The following SORCS1 variants were observed in gnomAD, a reference collection of about 807,000 sequenced individuals.
SORCS1 encodes sortilin related VPS10 domain containing receptor 1, also known as VPS10 domain-containing receptor SorCS1.
SORCS1 carries 60 observed loss-of-function variants against 146.1 expected under a neutral mutation model. The ratio of observed to expected loss-of-function variants is 0.41; its 90% CI spans 0.33 to 0.51. The LOEUF (loss-of-function observed/expected upper bound fraction) is 0.51. Among genes scored for constraint, SORCS1 ranks in the 20% least tolerant of loss-of-function variants. The pLI is 0.21. For synonymous variants in SORCS1, 637 were observed against 584.0 expected (o/e 1.09, Z -1.31); for missense variants, 1,352 against 1,487.6 (o/e 0.91, Z 1.50).
intron 1 of SORCS1, among the ~76,000 whole-genome samples, chr10:107,024,242 G>C (rs1325557649): frequency 6.6e-6 from 1 of 151,706 alleles, no homozygotes; most frequent in Non-Finnish European, 1.5e-5. Context: ...TGTGCAAGAA[G>C]CATGGCACCA....
At chr10:106,994,741 A>G (rs1956922391) in intron 1 of SORCS1, among the ~76,000 whole-genome samples, 1 of 152,244 alleles carries the variant, frequency 6.6e-6, no homozygotes, top group Admixed American at 6.5e-5. Flanking sequence ...ACAACTCAGG[A>G]TATAACATTC....
chr10:106,916,573 T>TACAC (rs778320662), intron 2 of SORCS1, among the ~76,000 whole-genome samples: 5,425 of 126,676 alleles, frequency 0.043, 127 homozygotes, highest in Middle Eastern at 0.061. Flanking sequence ...TGTGCATATA[T>TACAC]ATACACACAC....
At chr10:107,100,757 C>T (rs1442700028) in intron 1 of SORCS1, among the ~76,000 whole-genome samples, 2 of 152,154 alleles carry the variant, frequency 1.3e-5, no homozygotes, top group African/African-American at 2.4e-5. Context: ...CTCCTACAGA[C>T]AGTTCAGGAG....
intron 2 of SORCS1, among the ~76,000 whole-genome samples, chr10:106,893,567 C>T (rs374776392): frequency 6.6e-6 from 1 of 151,988 alleles, no homozygotes; most frequent in South Asian, 2.1e-4. Context: ...TTTTACACAC[C>T]GAAAATTATA....
At chr10:106,790,084 A>G (rs186237455) in intron 3 of SORCS1, among the ~76,000 whole-genome samples, 43 of 152,342 alleles carry the variant, frequency 2.8e-4, no homozygotes, top group Non-Finnish European at 5.3e-4. Context: ...ACCTAAGGAT[A>G]ACAATTCAAG....
Position 106,603,091 on chromosome 10 carries a change from A to C in SORCS1, c.3165+4075T>G, listed in dbSNP as rs533585971. 3.9e-5 allele frequency among the ~76,000 whole-genome samples: 6 copies of C among 152,232 alleles called. No homozygotes were observed. In the East Asian group the frequency reaches 1.2e-3, roughly 29 times the overall value. On this transcript the variant is annotated intron_variant, in intron 23 of 25. Coordinates refer to ENST00000263054, the MANE Select transcript of SORCS1 (RefSeq NM_052918.5). Reference sequence around the variant, plus strand: ...TCCTTTAAGGATCCTGAAAGACAACACACCTAGGCTCCTTATCTCCCCAGC... The same window carrying C: ...TCCTTTAAGGATCCTGAAAGACAACCCACCTAGGCTCCTTATCTCCCCAGC...
chr10:107,129,322 T>C (rs1057121137), intron 1 of SORCS1, among the ~76,000 whole-genome samples: 23 of 152,326 alleles, frequency 1.5e-4, no homozygotes, highest in African/African-American at 4.8e-4. Flanking sequence ...TTAGTTGCCG[T>C]GGGACGAAAG....
chr10:106,893,320 A>T (rs541050115), intron 2 of SORCS1, among the ~76,000 whole-genome samples: 2 of 152,360 alleles, frequency 1.3e-5, no homozygotes, highest in South Asian at 4.1e-4. Flanking sequence ...GGAATGAGAA[A>T]CATTTGTTTT....
chr10:106,694,048 A>C (rs1443590359), intron 9 of SORCS1, among the ~76,000 whole-genome samples: 1 of 152,202 alleles, frequency 6.6e-6, no homozygotes, highest in Non-Finnish European at 1.5e-5. Context: ...TCATGGCCAC[A>C]ATTTCTTTGG....
At chr10:107,108,369 C>T (rs1965446793) in intron 1 of SORCS1, among the ~76,000 whole-genome samples, 1 of 152,128 alleles carries the variant, frequency 6.6e-6, no homozygotes, top group African/African-American at 2.4e-5. Flanking sequence ...TCTGGTGAAG[C>T]CTCAAGGAGC....
intron 6 of SORCS1, among the ~76,000 whole-genome samples, chr10:106,710,438 A>AAC (rs1854893863): frequency 6.6e-6 from 1 of 151,618 alleles, no homozygotes. Context: ...ACAGGAAAAA[A>AAC]AAAAAAAAAA....
rs1045575472 is a variant in SORCS1 at position 107,060,886 on chromosome 10, A to G, written c.558+103083T>C. Among the ~76,000 whole-genome samples, 66 of 152,314 alleles carry G rather than the reference A, an allele frequency of 4.3e-4. No individual in the cohort carries two copies. Among genetic ancestry groups the G allele is most frequent in the Admixed American group, 1.4e-3 (21 of 15,296 alleles). On this transcript the variant is annotated intron_variant, in intron 1 of 25. Coordinates refer to ENST00000263054, the MANE Select transcript of SORCS1 (RefSeq NM_052918.5). The surrounding 1 kb of genome is among the most constrained non-coding windows in gnomAD (Gnocchi z 4.1). ...CACAAGCCTCTAAACTAATGTCTTAAAAATTCTCAATAAATGTGTACTGAA... is the reference window on the plus strand; with the variant it reads ...CACAAGCCTCTAAACTAATGTCTTAGAAATTCTCAATAAATGTGTACTGAA...
intron 1 of SORCS1, among the ~76,000 whole-genome samples, chr10:107,118,357 C>A (rs1392657016): frequency 6.6e-6 from 1 of 152,152 alleles, no homozygotes; most frequent in East Asian, 1.9e-4. Flanking sequence ...ATTGTTGGAG[C>A]AGACAAAACT....
At chr10:106,878,412 G>C (rs1950674136) in intron 2 of SORCS1, among the ~76,000 whole-genome samples, 1 of 151,260 alleles carries the variant, frequency 6.6e-6, no homozygotes, top group South Asian at 2.1e-4. Context: ...GAGACCTTGG[G>C]GCGGTGATTA....
intron 21 of SORCS1, among the ~76,000 whole-genome samples, chr10:106,617,518 CCA>C (rs1847454838): frequency 6.6e-6 from 1 of 151,940 alleles, no homozygotes; most frequent in Non-Finnish European, 1.5e-5. Flanking sequence ...TTTTTTATTT[CCA>C]GTTTTCAATC....
intron 3 of SORCS1, among the ~76,000 whole-genome samples, chr10:106,812,203 T>C (rs1342349394): frequency 1.3e-5 from 2 of 152,158 alleles, no homozygotes; most frequent in Non-Finnish European, 2.9e-5. Context: ...GGTTTCACTG[T>C]GTTAGCCAGG....
intron 3 of SORCS1, among the ~76,000 whole-genome samples, chr10:106,801,723 G>A (rs984129326): frequency 1.1e-4 from 16 of 151,984 alleles, no homozygotes; most frequent in African/African-American, 3.9e-4. Context: ...CTAGAGATGT[G>A]GTTTCACTGT....
chr10:106,815,192 C>T (rs1254130156), intron 3 of SORCS1, among the ~76,000 whole-genome samples: 2 of 151,936 alleles, frequency 1.3e-5, no homozygotes, highest in Non-Finnish European at 2.9e-5. Context: ...CTCCTGACCT[C>T]GTGATCCACC....
rs995767645 is a variant in SORCS1, at chr10:106,929,497, CCT to C, written c.626+27014_626+27015del. Reference sequence around the variant, plus strand: ...CATGGCCTTTTATAAAAAGAAAAGCCCTGTCTCTTTTCTTTTTCCGTCTCTAA... The same window carrying C: ...CATGGCCTTTTATAAAAAGAAAAGCCGTCTCTTTTCTTTTTCCGTCTCTAA... On this transcript the variant is annotated intron_variant, in intron 2 of 25. Coordinates refer to ENST00000263054, the MANE Select transcript of SORCS1 (RefSeq NM_052918.5). 3.8e-4 allele frequency among the ~76,000 whole-genome samples: 58 copies of C among 152,146 alleles called. 1 individual carries two copies. The East Asian group carries it at 5.2e-3, about 14-fold the overall frequency.
Sources: allele counts gnomAD v4.1 joint callset (sites outside exome capture counted in the v4.1 genomes callset), GRCh38; gene constraint gnomAD v4.1.1; non-coding constraint Gnocchi (gnomAD v3.1); transcripts MANE v1.5; gene names NCBI Gene and HGNC (gene_info 2026-07-23, HGNC 2026-07-21).